The following PPARGC1A variants were observed in gnomAD, a reference collection of about 807,000 sequenced individuals.
PPARGC1A encodes the protein PPARG coactivator 1 alpha, also known as peroxisome proliferator-activated receptor gamma coactivator 1-alpha.
PPARGC1A carries 25 observed loss-of-function variants against 88.7 expected under a neutral mutation model. The ratio of observed to expected loss-of-function variants is 0.28; its 90% confidence interval spans 0.21 to 0.39. The LOEUF (loss-of-function observed/expected upper bound fraction) is 0.39, where lower values mean the gene tolerates loss of function less well. PPARGC1A is among the 10% of genes least tolerant of loss of function. The pLI is 1.00. For synonymous variants in PPARGC1A, 363 were observed against 355.6 expected (o/e 1.02, Z -0.24); for missense variants, 880 against 968.7 (o/e 0.91, Z 1.22).
the PPARGC1A span, among the ~76,000 whole-genome samples, chr4:23,995,949 C>T: frequency 3.9e-5 from 6 of 152,148 alleles, no homozygotes; most frequent in African/African-American, 1.2e-4. Context: ...CACCAGCCTT[C>T]CAAAGGACAC....
intron 2 of PPARGC1A, among the ~76,000 whole-genome samples, chr4:23,854,112 A>C (rs1033712085): frequency 1.3e-5 from 2 of 152,244 alleles, no homozygotes; most frequent in Non-Finnish European, 2.9e-5. Context: ...TTTATAATCT[A>C]GTCAAGGGAG....
chr4:24,264,677 T>C, the PPARGC1A span, among the ~76,000 whole-genome samples: 1 of 152,244 alleles, frequency 6.6e-6, no homozygotes, highest in Non-Finnish European at 1.5e-5. Context: ...GCACAGTGCC[T>C]GCTACTAAGA....
the PPARGC1A span, among the ~76,000 whole-genome samples, chr4:24,185,233 A>AAAAT: frequency 8.5e-5 from 13 of 152,152 alleles, no homozygotes; most frequent in South Asian, 4.1e-4. Context: ...CCACCCTCCA[A>AAAAT]AAATAAATAA....
chr4:24,374,132 T>G, the PPARGC1A span, among the ~76,000 whole-genome samples: 1 of 152,224 alleles, frequency 6.6e-6, no homozygotes, highest in Non-Finnish European at 1.5e-5. Context: ...TCAAACTGCT[T>G]CCTGTGGCCA....
At chr4:24,168,758 G>T in the PPARGC1A span, among the ~76,000 whole-genome samples, 1 of 152,142 alleles carries the variant, frequency 6.6e-6, no homozygotes, top group Non-Finnish European at 1.5e-5. Flanking sequence ...TACGGTGTTG[G>T]ATTATAACTC....
chr4:23,999,210 A>G, the PPARGC1A span, among the ~76,000 whole-genome samples: 2 of 152,220 alleles, frequency 1.3e-5, no homozygotes, highest in Non-Finnish European at 2.9e-5. Flanking sequence ...TGTGGAAGTT[A>G]TCGCTGTATT....
At chr4:24,345,636 C>T in the PPARGC1A span, among the ~76,000 whole-genome samples, 28,010 of 151,936 alleles carry the variant, frequency 0.18, 2,711 homozygotes, top group South Asian at 0.23. Flanking sequence ...ATCTTGTATC[C>T]GGAAACTTTG....
chr4:24,049,140 A>G, the PPARGC1A span, among the ~76,000 whole-genome samples: 2 of 149,654 alleles, frequency 1.3e-5, no homozygotes. Flanking sequence ...GTGTGTGCGT[A>G]TGTGTGTGTG....
the PPARGC1A span, among the ~76,000 whole-genome samples, chr4:24,415,551 C>T: frequency 1.3e-5 from 2 of 152,170 alleles, no homozygotes; most frequent in Admixed American, 6.5e-5. Context: ...AGGGTTCCCA[C>T]TTACAAAAGC....
At chr4:24,326,755 G>A in the PPARGC1A span, among the ~76,000 whole-genome samples, 9 of 152,122 alleles carry the variant, frequency 5.9e-5, no homozygotes, top group South Asian at 2.1e-4. Context: ...TGTTTAGTGC[G>A]GTCAGAATTC....
At chr4:24,090,734 C>T in the PPARGC1A span, among the ~76,000 whole-genome samples, 5 of 152,074 alleles carry the variant, frequency 3.3e-5, no homozygotes, top group South Asian at 2.1e-4. Flanking sequence ...GCAGTGGATG[C>T]GTAAAAATAT....
the PPARGC1A span, among the ~76,000 whole-genome samples, chr4:24,057,821 T>TGGC: frequency 6.6e-6 from 1 of 152,200 alleles, no homozygotes; most frequent in Non-Finnish European, 1.5e-5. Context: ...AGTGTGGTGG[T>TGGC]GGCGAGACAC....
the PPARGC1A span, among the ~76,000 whole-genome samples, chr4:24,268,317 T>A: frequency 1.3e-5 from 2 of 152,242 alleles, no homozygotes; most frequent in Non-Finnish European, 2.9e-5. Flanking sequence ...GTCACTGCTA[T>A]GAGTTCAATC....
the PPARGC1A span, among the ~76,000 whole-genome samples, chr4:24,020,764 C>T: frequency 6.6e-6 from 1 of 152,140 alleles, no homozygotes; most frequent in Admixed American, 6.5e-5. Context: ...TTCTCACACC[C>T]CTTGTCTCCG....
chr4:24,029,366 A>G, the PPARGC1A span, among the ~76,000 whole-genome samples: 1 of 152,180 alleles, frequency 6.6e-6, no homozygotes, highest in Non-Finnish European at 1.5e-5. Flanking sequence ...TATTTTCCCT[A>G]TAAATCTTCT....
chr4:24,084,022 C>T, the PPARGC1A span, among the ~76,000 whole-genome samples: 2 of 152,212 alleles, frequency 1.3e-5, no homozygotes, highest in Non-Finnish European at 2.9e-5. Context: ...AGCTGAGACA[C>T]AGCAAGTTTA....
At chr4:24,345,049 A>G in the PPARGC1A span, among the ~76,000 whole-genome samples, 1 of 152,060 alleles carries the variant, frequency 6.6e-6, no homozygotes. Context: ...TGCTTTGTCA[A>G]AGATTGGTTG....
the PPARGC1A span, among the ~76,000 whole-genome samples, chr4:23,915,145 T>G: frequency 1.3e-5 from 2 of 152,230 alleles, no homozygotes; most frequent in African/African-American, 4.8e-5. Flanking sequence ...CATTTGGTTT[T>G]TTAATGTTTA....
At position 23,888,745 on chromosome 4, in the gene PPARGC1A, G is replaced by A. The variant is rs546070584; in HGVS notation, c.54+1159C>T. 7.9e-5 allele frequency among the ~76,000 whole-genome samples: 12 copies of A among 152,290 alleles called. No homozygotes were observed. The South Asian group carries it at 2.3e-3, about 29-fold the overall frequency. On this transcript the variant is annotated intron_variant, in intron 1 of 12. Coordinates refer to ENST00000264867, the MANE Select transcript of PPARGC1A (RefSeq NM_013261.5). ...GAAAAATGCATTCACAGACGGCCTTGGCCAAATTATTTTCACTTTAGATGT... is the reference window on the plus strand; with the variant it reads ...GAAAAATGCATTCACAGACGGCCTTAGCCAAATTATTTTCACTTTAGATGT...
Sources: gnomAD v4.1 joint callset for allele counts (sites outside exome capture counted in the v4.1 genomes callset) on GRCh38, gnomAD v4.1.1 for gene constraint, MANE v1.5 for transcripts, NCBI Gene and HGNC (gene_info 2026-07-23, HGNC 2026-07-21) for gene names.